The following GNAS variants were observed in gnomAD, a reference collection of about 807,000 sequenced individuals.
GNAS encodes protein ALEX.
GNAS carries 8 observed loss-of-function variants against 54.5 expected under a neutral mutation model. The ratio of observed to expected loss-of-function variants is 0.15; its 90% CI spans 0.09 to 0.26. GNAS has a LOEUF of 0.26. GNAS is among the 10% of genes least tolerant of loss of function. The pLI is 1.00. For missense variants in GNAS, 170 were observed against 529.8 expected, an observed-to-expected ratio of 0.32 and a Z score of 6.67; for synonymous variants, 204 against 191.4, an observed-to-expected ratio of 1.07 and a Z score of -0.54.
intron 1 of GNAS, among the ~76,000 whole-genome samples, chr20:58,875,351 G>A (rs2087735921): frequency 6.6e-6 from 1 of 152,178 alleles, no homozygotes; most frequent in Admixed American, 6.5e-5. Flanking sequence ...AAAGGCTGAT[G>A]AGGCTACTCG....
upstream of GNAS, chr20:58,839,849 A>G (rs1052821754): frequency 1.3e-5 from 8 of 596,178 alleles, no homozygotes; most frequent in Non-Finnish European, 1.8e-5. Flanking sequence ...CCGGGAGGAG[A>G]CAGAACTTTC....
At chr20:58,888,256 C>T (rs2088736342), upstream of GNAS, among the ~76,000 whole-genome samples, 1 of 152,136 alleles carries the variant, frequency 6.6e-6, no homozygotes, top group Admixed American at 6.5e-5. Context: ...CACGTCTTAG[C>T]CTGATTACCT....
At chr20:58,882,229 C>G (rs1237798327) in intron 1 of GNAS, among the ~76,000 whole-genome samples, 1 of 152,158 alleles carries the variant, frequency 6.6e-6, no homozygotes, top group Non-Finnish European at 1.5e-5. Flanking sequence ...CCACTGCGCC[C>G]GGCTAATTTT....
rs752399236 is a variant in GNAS, at chr20:58,909,503, T to C, written c.660-18T>C. ...CCCCAGTCCCTCTGGAATAACCAGC[T>C]GTCCTCCTCCCCACCAGCATGTTTG... On this transcript the variant is annotated intron_variant, in intron 8 of 12. Transcript: ENST00000371085. This position sits in a 1 kb window ranked among gnomAD's most constrained non-coding sequence, Gnocchi z 7.3. The C allele has an allele frequency of 1.2e-6, 2 of 1,613,894 alleles. No individual in the cohort carries two copies. Among genetic ancestry groups the C allele is most frequent in the South Asian group, 1.1e-5 (1 of 91,080 alleles).
upstream of GNAS, among the ~76,000 whole-genome samples, chr20:58,887,454 T>C (rs2088667474): frequency 6.6e-6 from 1 of 152,242 alleles, no homozygotes; most frequent in African/African-American, 2.4e-5. Flanking sequence ...TGGTGGATGG[T>C]AGTGAGCCTC....
chr20:58,852,092 G>A (rs1244385958), intron 1 of GNAS, among the ~76,000 whole-genome samples: 1 of 151,848 alleles, frequency 6.6e-6, no homozygotes, highest in Admixed American at 6.6e-5. Flanking sequence ...TGCGCAGCAC[G>A]CCCCCCACCC....
At chr20:58,850,388 T>C (rs548248646) in intron 1 of GNAS, 2 of 396,482 alleles carry the variant, frequency 5.0e-6, no homozygotes, top group Non-Finnish European at 8.9e-6. Flanking sequence ...CACAGACCCA[T>C]GAGGGTGTCG....
chr20:58,850,684 G>A, intron 1 of GNAS: 1 of 398,996 alleles, frequency 2.5e-6, no homozygotes, highest in Non-Finnish European at 4.4e-6. Context: ...GTGGCACCCC[G>A]TTGGCTGGGT....
intron 1 of GNAS, among the ~76,000 whole-genome samples, chr20:58,866,791 T>C (rs63003460): frequency 2.1e-4 from 32 of 149,734 alleles, no homozygotes; most frequent in African/African-American, 4.4e-4. Context: ...TTTTTTTTTT[T>C]CCCTAGGGAG....
intron 1 of GNAS, chr20:58,855,318 C>A: frequency 6.4e-7 from 1 of 1,573,108 alleles, no homozygotes; most frequent in Non-Finnish European, 8.6e-7. Flanking sequence ...GTGTACGCAC[C>A]GCCTGCTGCT....
At chr20:58,883,285 A>G (rs911501402) in intron 1 of GNAS, among the ~76,000 whole-genome samples, 17 of 152,338 alleles carry the variant, frequency 1.1e-4, no homozygotes, top group Non-Finnish European at 2.4e-4. Context: ...TTGTAAAGTC[A>G]GCGACATTCT....
chr20:58,889,446 G>A, upstream of GNAS: 6 of 787,360 alleles, frequency 7.6e-6, no homozygotes, highest in Non-Finnish European at 9.2e-6. Flanking sequence ...GGGGCGCCCG[G>A]GCGCCGCTGC....
rs948389491 is a variant in GNAS at position 58,897,014 on chromosome 20, A to G, written c.212+1330A>G. On this transcript the variant is annotated intron_variant, in intron 2 of 12. Transcript: ENST00000371085. ...GAGAATTCTAGAATTTGTTAGATCAAATAATTGTTTAGAGAAGGATGACAT... is the reference window on the plus strand; with the variant it reads ...GAGAATTCTAGAATTTGTTAGATCAGATAATTGTTTAGAGAAGGATGACAT... Among the ~76,000 whole-genome samples, 19 of 152,346 alleles carry G rather than the reference A, an allele frequency of 1.2e-4. No homozygotes were observed. In the East Asian group the frequency reaches 2.1e-3, roughly 17 times the overall value.
chr20:58,855,448 A>C, intron 1 of GNAS: 2 of 955,858 alleles, frequency 2.1e-6, no homozygotes, highest in Non-Finnish European at 3.3e-6. Context: ...GGTCCAGCCA[A>C]AGGCGGGAAG....
upstream of GNAS, among the ~76,000 whole-genome samples, chr20:58,889,820 G>A (rs1485445813): frequency 6.6e-6 from 1 of 151,316 alleles, no homozygotes. Flanking sequence ...GCCCGAGGCC[G>A]GGGGCAAGCA....
chr20:58,909,072 C>A lies in GNAS; in HGVS notation c.531-90C>A. The A allele has an allele frequency of 9.2e-7, 1 of 1,088,914 alleles. No individual in the cohort carries two copies. Among genetic ancestry groups the A allele is most frequent in the South Asian group, 1.2e-5 (1 of 80,426 alleles). 67.5% of individuals were successfully genotyped at this position (1,088,914 alleles called of 1,614,324 possible). A position where few individuals can be genotyped will look rare whatever the true frequency, so the allele number is the denominator to read the frequency against. On this transcript the variant is annotated intron_variant, in intron 6 of 12. Coordinates refer to ENST00000371085, the MANE Select transcript of GNAS (RefSeq NM_000516.7). The surrounding 1 kb of genome is among the most constrained non-coding windows in gnomAD (Gnocchi z 7.3). ...TGCATAACTGTGGGACGGTCACTTC[C>A]GTTGAGCCTGACCTTGTAGAGAGAC... is the stretch of plus-strand genomic sequence containing the variant.
intron 1 of GNAS, among the ~76,000 whole-genome samples, chr20:58,894,661 CAT>C (rs1040692838): frequency 2.0e-5 from 3 of 152,068 alleles, no homozygotes; most frequent in Non-Finnish European, 4.4e-5. Context: ...TTCCATGAAA[CAT>C]ATATGTATTT....
intron 3 of GNAS, among the ~76,000 whole-genome samples, chr20:58,902,315 C>G (rs1569011769): frequency 6.6e-6 from 1 of 152,200 alleles, no homozygotes; most frequent in African/African-American, 2.4e-5. Context: ...CCTCTAAAAA[C>G]ATAAACTCGA....
At chr20:58,855,445 C>A in intron 1 of GNAS, 2 of 975,862 alleles carry the variant, frequency 2.0e-6, no homozygotes, top group South Asian at 1.4e-5. Context: ...GGGGGTCCAG[C>A]CAAAGGCGGG....
Sources: allele counts gnomAD v4.1 joint callset (sites outside exome capture counted in the v4.1 genomes callset), GRCh38; gene constraint gnomAD v4.1.1; non-coding constraint Gnocchi (gnomAD v3.1); transcripts MANE v1.5; gene names NCBI Gene and HGNC (gene_info 2026-07-23, HGNC 2026-07-21).